The following QTMAN variants were observed in gnomAD, a reference collection of about 807,000 sequenced individuals.
QTMAN encodes tRNA-queuosine alpha-mannosyltransferase.
chr2:144,141,644 CAAAT>C, the QTMAN span, among the ~76,000 whole-genome samples: 1 of 146,404 alleles, frequency 6.8e-6, no homozygotes, highest in Admixed American at 6.8e-5. Flanking sequence ...CTTTGGCAAA[CAAAT>C]AAATAAAAGA....
chr2:144,155,787 T>C, the QTMAN span, among the ~76,000 whole-genome samples: 1 of 152,152 alleles, frequency 6.6e-6, no homozygotes, highest in Non-Finnish European at 1.5e-5. Context: ...AGAGTGGCTT[T>C]TGGACAGTAT....
the QTMAN span, among the ~76,000 whole-genome samples, chr2:144,049,341 C>T: frequency 6.6e-6 from 1 of 152,148 alleles, no homozygotes; most frequent in African/African-American, 2.4e-5. Flanking sequence ...AAGCCTCACA[C>T]AATCGGATGC....
the QTMAN span, among the ~76,000 whole-genome samples, chr2:144,140,072 G>A: frequency 1.3e-5 from 2 of 151,998 alleles, no homozygotes; most frequent in Non-Finnish European, 2.9e-5. Flanking sequence ...TGTCATTCAT[G>A]CAAATAATCA....
the QTMAN span, among the ~76,000 whole-genome samples, chr2:144,129,099 T>TTA: frequency 6.6e-6 from 1 of 151,894 alleles, no homozygotes; most frequent in African/African-American, 2.4e-5. Flanking sequence ...GGATTCCGTA[T>TTA]TATAAAATAA....
the QTMAN span, among the ~76,000 whole-genome samples, chr2:143,989,984 G>GTATTTAATACAAAAATTGTA: frequency 6.6e-6 from 1 of 152,092 alleles, no homozygotes. Flanking sequence ...TTACAAAACT[G>GTATTTAATACAAAAATTGTA]TTAAAAATAC....
the QTMAN span, among the ~76,000 whole-genome samples, chr2:144,087,045 G>T: frequency 6.6e-6 from 1 of 152,068 alleles, no homozygotes; most frequent in African/African-American, 2.4e-5. Context: ...TAACATAAAA[G>T]CTGGTTCTTT....
the QTMAN span, among the ~76,000 whole-genome samples, chr2:144,221,860 G>A: frequency 6.6e-6 from 1 of 152,116 alleles, no homozygotes; most frequent in Non-Finnish European, 1.5e-5. Context: ...AATACTGCTT[G>A]TTTAAGTAAT....
the QTMAN span, among the ~76,000 whole-genome samples, chr2:143,995,501 C>G: frequency 6.6e-6 from 1 of 152,138 alleles, no homozygotes; most frequent in Admixed American, 6.5e-5. Context: ...ATATCATCTT[C>G]TTTAATCCTC....
the QTMAN span, among the ~76,000 whole-genome samples, chr2:144,111,916 A>G: frequency 1.3e-5 from 2 of 152,232 alleles, no homozygotes; most frequent in Non-Finnish European, 2.9e-5. Context: ...GATATCTTCT[A>G]AACTACCCAA....
chr2:144,102,738 A>G, the QTMAN span, among the ~76,000 whole-genome samples: 1 of 152,240 alleles, frequency 6.6e-6, no homozygotes, highest in Non-Finnish European at 1.5e-5. Flanking sequence ...CTGTGCATTT[A>G]CAAGAAAAGA....
chr2:144,307,640 A>T, the QTMAN span, among the ~76,000 whole-genome samples: 1 of 152,264 alleles, frequency 6.6e-6, no homozygotes, highest in Non-Finnish European at 1.5e-5. Context: ...TAATGATTAC[A>T]TTATCAAGGT....
chr2:144,051,284 A>C, the QTMAN span, among the ~76,000 whole-genome samples: 2 of 152,076 alleles, frequency 1.3e-5, no homozygotes, highest in Non-Finnish European at 2.9e-5. Context: ...TAACCCTAGC[A>C]CTTCGGGAGG....
chr2:144,129,349 T>C, the QTMAN span, among the ~76,000 whole-genome samples: 1 of 151,848 alleles, frequency 6.6e-6, no homozygotes, highest in African/African-American at 2.4e-5. Flanking sequence ...CATTCCCAAC[T>C]AGGGACTGAA....
the QTMAN span, among the ~76,000 whole-genome samples, chr2:144,310,414 T>A: frequency 6.6e-6 from 1 of 152,162 alleles, no homozygotes; most frequent in South Asian, 2.1e-4. Context: ...ACCTTTTACA[T>A]TAAGTGAGAA....
the QTMAN span, among the ~76,000 whole-genome samples, chr2:144,198,747 A>G: frequency 2.0e-5 from 3 of 152,206 alleles, no homozygotes; most frequent in Non-Finnish European, 4.4e-5. Flanking sequence ...CCCATCACCT[A>G]TAGTAAAAGC....
At chr2:144,133,058 T>C in the QTMAN span, among the ~76,000 whole-genome samples, 3 of 128,536 alleles carry the variant, frequency 2.3e-5, no homozygotes, top group Non-Finnish European at 4.8e-5. Flanking sequence ...AAACCCTGTA[T>C]ACTGTACTAC....
the QTMAN span, among the ~76,000 whole-genome samples, chr2:144,331,656 C>CA: frequency 6.6e-6 from 1 of 151,958 alleles, no homozygotes; most frequent in African/African-American, 2.4e-5. Context: ...CGAGAGAAGG[C>CA]AAAAAAACTA....
the QTMAN span, among the ~76,000 whole-genome samples, chr2:144,229,271 T>C: frequency 1.3e-5 from 2 of 152,248 alleles, no homozygotes; most frequent in Non-Finnish European, 2.9e-5. Flanking sequence ...AAAAGATTCA[T>C]TAATTTCAAT....
chr2:143,950,401 C>G, the QTMAN span, among the ~76,000 whole-genome samples: 1 of 151,650 alleles, frequency 6.6e-6, no homozygotes, highest in Non-Finnish European at 1.5e-5. Flanking sequence ...AACTGGACAT[C>G]TGCTTTCTTT....
Sources: allele counts gnomAD v4.1 joint callset (sites outside exome capture counted in the v4.1 genomes callset), GRCh38; gene constraint gnomAD v4.1.1; transcripts MANE v1.5; gene names NCBI Gene and HGNC (gene_info 2026-07-23, HGNC 2026-07-21).